The following DAB1 variants were observed in gnomAD, a reference collection of about 807,000 sequenced individuals.
DAB1 encodes the protein disabled homolog 1.
DAB1 carries 15 observed loss-of-function variants against 64.6 expected under a neutral mutation model. The observed-to-expected ratio is 0.23, with a 90% CI of 0.16 to 0.36. The LOEUF (loss-of-function observed/expected upper bound fraction) is 0.36. DAB1 is among the 10% of genes least tolerant of loss of function. DAB1 has a pLI of 1.00. For missense variants in DAB1, 596 were observed against 706.7 expected (o/e 0.84, Z 1.78); for synonymous variants, 235 against 251.9 (o/e 0.93, Z 0.64).
chr1:57,131,190 T>C (rs1234833846), intron 4 of DAB1, among the ~76,000 whole-genome samples: 2 of 152,190 alleles, frequency 1.3e-5, no homozygotes, highest in Non-Finnish European at 2.9e-5. Flanking sequence ...TTAGGTATTA[T>C]AGAGTTCTAA....
chr1:57,066,000 A>G (rs1650871457), intron 8 of DAB1, among the ~76,000 whole-genome samples: 1 of 152,210 alleles, frequency 6.6e-6, no homozygotes, highest in East Asian at 1.9e-4. Context: ...AAAACAGCAC[A>G]TTCCGTACTA....
In DAB1 at chr1:58,296,177, G is replaced by A. The variant is rs1043617832; in HGVS notation, n.309+47175C>T. On this transcript the variant is annotated intron_variant and non_coding_transcript_variant, in intron 4 of 20. Transcript: ENST00000485760. ...AAAAAAGAAAGAAAGAAAGAAAAAA[G>A]AAAGAAAGAGAAAGAAAGAGAAAGA... Among the ~76,000 whole-genome samples, 15 of 107,414 alleles carry A rather than the reference G, an allele frequency of 1.4e-4. 2 individuals are homozygous for A. Among genetic ancestry groups the A allele is most frequent in the East Asian group, 5.3e-4 (2 of 3,806 alleles). 70.5% of individuals were successfully genotyped at this position (107,414 alleles called of 152,430 possible). A position where few individuals can be genotyped will look rare whatever the true frequency, so the allele number is the denominator to read the frequency against.
intron 5 of DAB1, among the ~76,000 whole-genome samples, chr1:57,891,324 G>A (rs1644310504): frequency 6.6e-6 from 1 of 152,200 alleles, no homozygotes; most frequent in Admixed American, 6.5e-5. Context: ...TCTCACGCCA[G>A]TTAGAATGGC....
intron 3 of DAB1, among the ~76,000 whole-genome samples, chr1:58,489,579 G>C (rs1054603039): frequency 1.1e-4 from 16 of 152,214 alleles, no homozygotes; most frequent in South Asian, 1.0e-3. Context: ...CTGTCTGACA[G>C]CTTAGAAGAG....
intron 1 of DAB1, among the ~76,000 whole-genome samples, chr1:57,387,990 C>T (rs1682028067): frequency 6.6e-6 from 1 of 152,146 alleles, no homozygotes. Flanking sequence ...ACTCTTTCAA[C>T]AGATTCTAAA....
intron 3 of DAB1, among the ~76,000 whole-genome samples, chr1:58,491,215 C>G (rs1042093611): frequency 1.1e-4 from 16 of 152,122 alleles, no homozygotes; most frequent in African/African-American, 3.4e-4. Context: ...AGCAAATGCT[C>G]AGAGATTTTG....
chr1:57,433,385 A>G (rs1685581326), intron 7 of DAB1, among the ~76,000 whole-genome samples: 1 of 152,114 alleles, frequency 6.6e-6, no homozygotes, highest in South Asian at 2.1e-4. Context: ...ACAGAAATAG[A>G]TCAATGCAGT....
intron 3 of DAB1, among the ~76,000 whole-genome samples, chr1:57,137,242 T>C (rs953852862): frequency 3.9e-5 from 6 of 152,170 alleles, no homozygotes; most frequent in African/African-American, 1.4e-4. Context: ...TCACATTCCA[T>C]TTATCAAAAA....
intron 5 of DAB1, among the ~76,000 whole-genome samples, chr1:58,086,127 C>G (rs1201909786): frequency 6.6e-6 from 1 of 150,900 alleles, no homozygotes; most frequent in African/African-American, 2.5e-5. Flanking sequence ...CTACGCCCGG[C>G]TAATTTTTTG....
intron 6 of DAB1, among the ~76,000 whole-genome samples, chr1:57,679,417 A>G (rs1646610555): frequency 6.6e-6 from 1 of 152,202 alleles, no homozygotes; most frequent in African/African-American, 2.4e-5. Flanking sequence ...CAGAACAGGG[A>G]ATGTGGACAA....
At chr1:58,025,491 A>T (rs1646875561) in intron 5 of DAB1, among the ~76,000 whole-genome samples, 1 of 151,402 alleles carries the variant, frequency 6.6e-6, no homozygotes, top group African/African-American at 2.4e-5. Flanking sequence ...TCAGCTTCAT[A>T]GATTTTGTTT....
intron 7 of DAB1, among the ~76,000 whole-genome samples, chr1:57,460,067 A>T (rs1359868574): frequency 6.6e-6 from 1 of 152,182 alleles, no homozygotes; most frequent in African/African-American, 2.4e-5. Context: ...TTTTGTAAGG[A>T]TTAGAAAAAG....
chr1:57,267,658 C>T (rs1670688824), intron 2 of DAB1, among the ~76,000 whole-genome samples: 1 of 152,074 alleles, frequency 6.6e-6, no homozygotes, highest in Admixed American at 6.6e-5. Context: ...GGCACCTGTG[C>T]TTTTGTTTTT....
chr1:57,559,965 G>C (rs1645032438), intron 7 of DAB1, among the ~76,000 whole-genome samples: 1 of 152,234 alleles, frequency 6.6e-6, no homozygotes, highest in African/African-American at 2.4e-5. Context: ...GCAAAAGACA[G>C]ATGGATCTTG....
intron 1 of DAB1, among the ~76,000 whole-genome samples, chr1:57,390,408 A>G (rs1375819877): frequency 1.3e-5 from 2 of 152,218 alleles, no homozygotes; most frequent in African/African-American, 4.8e-5. Context: ...ATATTTTGCA[A>G]AAGGTGTCAT....
intron 1 of DAB1, among the ~76,000 whole-genome samples, chr1:57,316,312 C>T (rs896547882): frequency 1.3e-5 from 2 of 152,332 alleles, no homozygotes; most frequent in South Asian, 4.1e-4. Context: ...TAGATCTATA[C>T]AAATGTATTT....
chr1:57,428,561 C>T (rs1685375773), upstream of DAB1, among the ~76,000 whole-genome samples: 1 of 152,124 alleles, frequency 6.6e-6, no homozygotes. Context: ...ATCCATGCAT[C>T]TGTTGACAGT....
At chr1:58,484,525 T>G (rs1262868206) in intron 3 of DAB1, among the ~76,000 whole-genome samples, 4 of 152,116 alleles carry the variant, frequency 2.6e-5, no homozygotes, top group African/African-American at 9.7e-5. Context: ...ATTTCAAACC[T>G]CAGAATCCTT....
intron 7 of DAB1, among the ~76,000 whole-genome samples, chr1:57,559,671 C>T (rs1160825179): frequency 6.6e-6 from 1 of 152,118 alleles, no homozygotes; most frequent in East Asian, 1.9e-4. Context: ...CCGGACTCAT[C>T]CTGTAGTCAT....
Sources: gnomAD v4.1 joint callset for allele counts (sites outside exome capture counted in the v4.1 genomes callset) on GRCh38, gnomAD v4.1.1 for gene constraint, MANE v1.5 for transcripts, NCBI Gene and HGNC (gene_info 2026-07-23, HGNC 2026-07-21) for gene names.